CORIN: variants seen among roughly 807,000 people sequenced by gnomAD.
CORIN encodes atrial natriuretic peptide-converting enzyme.
In CORIN, 117 loss-of-function variants were observed where a neutral mutation model predicts 125.3. The ratio of observed to expected loss-of-function variants is 0.93; its 90% confidence interval spans 0.80 to 1.09. The LOEUF (loss-of-function observed/expected upper bound fraction) is 1.09, where lower values mean the gene tolerates loss of function less well. Among genes scored for constraint, CORIN ranks in the 50% least tolerant of loss-of-function variants. CORIN has a pLI of 0.00. For missense variants in CORIN, 1,253 were observed against 1,306.7 expected, an observed-to-expected ratio of 0.96 and a Z score of 0.63; for synonymous variants, 450 against 466.4, an observed-to-expected ratio of 0.96 and a Z score of 0.45.
chr4:47,776,210 T>C (rs994343529), intron 3 of CORIN, among the ~76,000 whole-genome samples: 3 of 151,958 alleles, frequency 2.0e-5, no homozygotes, highest in Non-Finnish European at 4.4e-5. Flanking sequence ...AGAGATAGTT[T>C]TGCCATGTTG....
intron 2 of CORIN, among the ~76,000 whole-genome samples, chr4:47,797,747 T>C (rs1464685253): frequency 1.3e-5 from 2 of 152,118 alleles, no homozygotes; most frequent in Non-Finnish European, 2.9e-5. Context: ...ACTACTATAA[T>C]GAACTTATCA....
intron 2 of CORIN, among the ~76,000 whole-genome samples, chr4:47,801,949 CCTT>C (rs752264749): frequency 2.6e-5 from 4 of 152,194 alleles, no homozygotes; most frequent in Non-Finnish European, 5.9e-5. Flanking sequence ...TGCCACCTCT[CCTT>C]CATCCTCCAG....
intron 10 of CORIN, among the ~76,000 whole-genome samples, chr4:47,667,394 G>C (rs1724527337): frequency 6.6e-6 from 1 of 152,204 alleles, no homozygotes; most frequent in South Asian, 2.1e-4. Flanking sequence ...CTCTCTGTTT[G>C]CAGTAGATAT....
At chr4:47,819,960 G>T (rs958787340) in intron 1 of CORIN, among the ~76,000 whole-genome samples, 6 of 152,130 alleles carry the variant, frequency 3.9e-5, no homozygotes, top group African/African-American at 1.4e-4. Context: ...CCATCCAGGG[G>T]GATCCTAATT....
rs571331936 is a variant in CORIN, at chr4:47,738,013, A to G, written c.799+6389T>C. Among the ~76,000 whole-genome samples the G allele has an allele frequency of 2.0e-5, 3 of 152,300 alleles. No individual in the cohort carries two copies. In the East Asian group the frequency reaches 5.8e-4, roughly 29 times the overall value. Reference sequence around the variant, plus strand: ...GGTGTTTCTAAAAAAAAAAATTAATAATCGATTAACACTGTAACTGTCTGA... The same window carrying G: ...GGTGTTTCTAAAAAAAAAAATTAATGATCGATTAACACTGTAACTGTCTGA... On this transcript the variant is annotated intron_variant, in intron 5 of 21. Transcript: ENST00000273857.
Position 47,680,218 on chromosome 4 carries a change from T to A in CORIN, c.1055A>T (p.Asp352Val). Residue 352 changes from aspartate (D) to valine (V), a missense_variant, in exon 8 of 22, where the codon GAC becomes GTC. Transcript: ENST00000273857. ...CNPTTEHRCGDGRCIAMEWVC... is the reference protein window; with the variant it reads ...CNPTTEHRCGVGRCIAMEWVC... ...CCACTCCATGGCGATGCAGCGCCCG[T>A]CCCCGCAGCGATGCTCTGTTGTGGG... is the stretch of plus-strand genomic sequence containing the variant. 2 of 1,613,922 alleles carry A rather than the reference T, an allele frequency of 1.2e-6. No individual in the cohort carries two copies. Among genetic ancestry groups the A allele is most frequent in the South Asian group, 1.1e-5 (1 of 91,066 alleles).
At chr4:47,676,161 C>A (rs1224996689) in intron 9 of CORIN, among the ~76,000 whole-genome samples, 1 of 152,150 alleles carries the variant, frequency 6.6e-6, no homozygotes, top group African/African-American at 2.4e-5. Flanking sequence ...CCCTGCTTCC[C>A]TTTCCAGCTC....
chr4:47,785,795 C>A (rs1730769161), intron 3 of CORIN, among the ~76,000 whole-genome samples: 1 of 151,698 alleles, frequency 6.6e-6, no homozygotes. Context: ...GCCTGTAATC[C>A]CAGCTACTCA....
At chr4:47,715,169 A>C (rs1187971162) in intron 5 of CORIN, among the ~76,000 whole-genome samples, 1 of 152,252 alleles carries the variant, frequency 6.6e-6, no homozygotes, top group Non-Finnish European at 1.5e-5. Flanking sequence ...AAAAGATAAA[A>C]GTGTTCTAAC....
chr4:47,758,814 A>G (rs1406737082), intron 4 of CORIN, among the ~76,000 whole-genome samples: 1 of 152,230 alleles, frequency 6.6e-6, no homozygotes, highest in Non-Finnish European at 1.5e-5. Context: ...CATCATGTGA[A>G]GAAGGATGTG....
chr4:47,753,158 T>C (rs1221258858), intron 4 of CORIN, among the ~76,000 whole-genome samples: 6 of 152,140 alleles, frequency 3.9e-5, no homozygotes, highest in Non-Finnish European at 4.4e-5. Flanking sequence ...TGATGTCCCC[T>C]TGAGCCGCAA....
At chr4:47,654,452 C>G (rs981836475) in intron 12 of CORIN, among the ~76,000 whole-genome samples, 2 of 152,192 alleles carry the variant, frequency 1.3e-5, no homozygotes, top group African/African-American at 4.8e-5. Flanking sequence ...TCTTGAATCA[C>G]CAACACCACC....
At chr4:47,734,516 T>A (rs1217780145) in intron 5 of CORIN, among the ~76,000 whole-genome samples, 1 of 152,252 alleles carries the variant, frequency 6.6e-6, no homozygotes, top group Non-Finnish European at 1.5e-5. Flanking sequence ...TTAACCTGTG[T>A]CCTTTTATAC....
At chr4:47,639,199 GATGA>G (rs1723143113) in intron 16 of CORIN, among the ~76,000 whole-genome samples, 1 of 152,144 alleles carries the variant, frequency 6.6e-6, no homozygotes, top group African/African-American at 2.4e-5. Context: ...TGAATGAACG[GATGA>G]ATGAATGAGT....
intron 5 of CORIN, among the ~76,000 whole-genome samples, chr4:47,716,815 A>G (rs1727111372): frequency 6.6e-6 from 1 of 152,114 alleles, no homozygotes; most frequent in Admixed American, 6.5e-5. Context: ...CTATCACATA[A>G]TAATGTTGAC....
intron 5 of CORIN, among the ~76,000 whole-genome samples, chr4:47,728,181 G>A (rs1287570486): frequency 6.6e-6 from 1 of 152,110 alleles, no homozygotes; most frequent in Admixed American, 6.5e-5. Flanking sequence ...ATTTTCATGT[G>A]ATGATTCTGA....
intron 5 of CORIN, among the ~76,000 whole-genome samples, chr4:47,714,864 C>T (rs10000405): frequency 0.15 from 22,979 of 152,110 alleles, 2,409 homozygotes; most frequent in African/African-American, 0.29. Flanking sequence ...TGCTTTCTAT[C>T]GCCAGTGCAC....
intron 1 of CORIN, among the ~76,000 whole-genome samples, chr4:47,835,813 A>G (rs1298040782): frequency 6.6e-6 from 1 of 152,210 alleles, no homozygotes; most frequent in Non-Finnish European, 1.5e-5. Flanking sequence ...CTGCAGCATT[A>G]TGAGGAAGGT....
chr4:47,607,470 A>G (rs570282055), intron 19 of CORIN, among the ~76,000 whole-genome samples: 19 of 152,044 alleles, frequency 1.2e-4, no homozygotes, highest in African/African-American at 4.3e-4. Context: ...AATTTTTTGT[A>G]TTCAGTGATG....
Sources: allele counts gnomAD v4.1 joint callset (sites outside exome capture counted in the v4.1 genomes callset), GRCh38; gene constraint gnomAD v4.1.1; transcripts MANE v1.5; gene names NCBI Gene and HGNC (gene_info 2026-07-23, HGNC 2026-07-21).